Variants in SYNE1 observed in about 807,000 individuals in gnomAD.
SYNE1 encodes nesprin-1.
Under a neutral mutation model 1,111.0 loss-of-function variants are expected in SYNE1, and 616 were observed. That is an observed-to-expected ratio of 0.55 (90% CI 0.52 to 0.59). SYNE1 has a LOEUF of 0.59. Among genes scored for constraint, SYNE1 ranks in the 20% least tolerant of loss-of-function variants. The pLI is 0.00. For synonymous variants in SYNE1, 3,855 were observed against 3,825.8 expected, an observed-to-expected ratio of 1.01 and a Z score of -0.28; for missense variants, 10,006 against 10,417.0, an observed-to-expected ratio of 0.96 and a Z score of 1.72.
chr6:152,137,134 C>T (rs1305008398), intron 140 of SYNE1, among the ~76,000 whole-genome samples: 1 of 152,092 alleles, frequency 6.6e-6, no homozygotes, highest in African/African-American at 2.4e-5. Context: ...AAGAATATAT[C>T]TGAACAAAGA....
chr6:152,600,153 G>C (rs572157031), intron 3 of SYNE1, among the ~76,000 whole-genome samples: 1 of 152,114 alleles, frequency 6.6e-6, no homozygotes, highest in Non-Finnish European at 1.5e-5. Flanking sequence ...TAACAAAGGC[G>C]AACAGTTTAA....
chr6:152,510,266 G>A lies in SYNE1; in HGVS notation c.508C>T (p.Arg170Trp), dbSNP rs777175001. 91 of 1,613,588 alleles carry A rather than the reference G, an allele frequency of 5.6e-5. No homozygotes were observed. The Admixed American group carries it at 8.3e-4, about 15-fold the overall frequency. Reference sequence around the variant, plus strand: ...CCTTGGATCTTGGTGGTCACCTTCCGTTTACTTGGTGGGCTGGGAGTCTCA... The same window carrying A: ...CCTTGGATCTTGGTGGTCACCTTCCATTTACTTGGTGGGCTGGGAGTCTCA... ...SSETPSPPSK[R>W]KVTTKIQGNA... The change falls in exon 8 of 146, where the codon CGG (arginine) becomes TGG (tryptophan). Residue 170 changes from arginine to tryptophan, a missense_variant. Physicochemically the swap from Arg to Trp is moderately radical, Grantham distance 101 (BLOSUM62 -3). Coordinates refer to ENST00000367255, the MANE Select transcript of SYNE1 (RefSeq NM_182961.4).
At chr6:152,337,876 G>A (rs1199943846) in intron 75 of SYNE1, among the ~76,000 whole-genome samples, 2 of 152,154 alleles carry the variant, frequency 1.3e-5, no homozygotes, top group Non-Finnish European at 2.9e-5. Context: ...GGCTGGGAAT[G>A]GTGGCTCGTG....
Position 152,344,081 on chromosome 6 carries a change from C to A in SYNE1, c.12225G>T (p.Gln4075His), listed in dbSNP as rs2096588281. 1.2e-6 allele frequency: 2 copies of A among 1,614,164 alleles called. No individual in the cohort carries two copies. The highest frequency in any genetic ancestry group is 1.7e-6 in the Non-Finnish European group (2 of 1,180,020). ...ACACAAACTTTCAGGAGTTTACTAC[C>A]TGCTTAATGGCTTCTGCCCTACTAA... ...PPLSRAEAIK[Q>H]VKHFRALQEQ... Residue 4075 changes from glutamine to histidine, a missense_variant and splice_region_variant, in exon 74 of 146, where the codon CAG (glutamine) becomes CAT (histidine). Gln to His is a conservative substitution (Grantham distance 24). Transcript: ENST00000367255.
At chr6:152,184,774 G>C (rs1052604697) in intron 128 of SYNE1, among the ~76,000 whole-genome samples, 2 of 152,010 alleles carry the variant, frequency 1.3e-5, no homozygotes, top group African/African-American at 2.4e-5. Context: ...GACACAGTGA[G>C]GCTACAAGCA....
At chr6:152,130,278 T>C (rs755670197) in intron 145 of SYNE1, among the ~76,000 whole-genome samples, 1 of 152,144 alleles carries the variant, frequency 6.6e-6, no homozygotes, top group Non-Finnish European at 1.5e-5. Flanking sequence ...AACATGAAAA[T>C]AAAATAAAAA....
At chr6:152,394,855 G>A (rs1372297685) in intron 51 of SYNE1, among the ~76,000 whole-genome samples, 5 of 144,606 alleles carry the variant, frequency 3.5e-5, no homozygotes, top group African/African-American at 5.2e-5. Context: ...GCATGATCTC[G>A]GCTCACTGCA....
rs777385898 is a variant in SYNE1 at position 152,628,319 on chromosome 6, T to C, written c.13A>G (p.Arg5Gly). MATS[R>G]GASRCPRDIA... is the part of the protein sequence containing the mutation. ...TCCCGAGGACACCGGGAGGCCCCTCTGGAGGTTGCCATGGTCCCTCCGGAA... is the reference window on the plus strand; with the variant it reads ...TCCCGAGGACACCGGGAGGCCCCTCCGGAGGTTGCCATGGTCCCTCCGGAA... Residue 5 changes from arginine to glycine, a missense_variant, in exon 3 of 146, where the codon AGA (arginine) becomes GGA (glycine). Arg to Gly is a moderately radical substitution (Grantham distance 125). This residue lies in a region of SYNE1 where 1,971 missense variants were observed against 2,084.1 expected (regional missense o/e 0.95). Coordinates refer to ENST00000367255, the MANE Select transcript of SYNE1 (RefSeq NM_182961.4). 5.0e-6 allele frequency: 8 copies of C among 1,614,198 alleles called. No individual in the cohort carries two copies. In the South Asian group the frequency reaches 8.8e-5, roughly 18 times the overall value.
intron 16 of SYNE1, among the ~76,000 whole-genome samples, chr6:152,468,802 G>T (rs1230341000): frequency 6.6e-6 from 1 of 151,914 alleles, no homozygotes; most frequent in Non-Finnish European, 1.5e-5. Context: ...TTGAAATAGG[G>T]TCTCACTCTG....
chr6:152,407,152 GC>G lies in SYNE1; in HGVS notation c.6584del (p.Ser2195ThrfsTer55). On this transcript the variant is annotated frameshift_variant, in exon 45 of 146. Transcript: ENST00000367255. LOFTEE classifies it high-confidence loss of function. Reference protein sequence around the residue: ...LEENMDRLRVSLSIWDDVLST... With the variant: ...LEENMDRLRVXLSIWDDVLST... ...ACAGTACATCATCCCAAATGGACAGGCTTACTCTCAGCCTATCCATGTTTTC... is the reference window on the plus strand; with the variant it reads ...ACAGTACATCATCCCAAATGGACAGGTTACTCTCAGCCTATCCATGTTTTC... The G allele has an allele frequency of 1.2e-6, 2 of 1,613,952 alleles. No individual in the cohort carries two copies. Among genetic ancestry groups the G allele is most frequent in the Non-Finnish European group, 1.7e-6 (2 of 1,179,980 alleles).
chr6:152,330,559 G>A lies in SYNE1; in HGVS notation c.14126C>T (p.Ala4709Val). The A allele has an allele frequency of 6.2e-7, 1 of 1,614,040 alleles. No homozygotes were observed. The highest frequency in any genetic ancestry group is 8.5e-7 in the Non-Finnish European group (1 of 1,180,028). The stretch of plus-strand genomic sequence containing the variant: ...TCTGCAACCATCTTGCAGAGAAAGA[G>A]CCTCCTCAACGGCCAGGTCGGTGGG... ...KVPTDLAVEE[A>V]LSLQDGCRAI... The change falls in exon 78 of 146, where the codon GCT (alanine) becomes GTT (valine). Residue 4709 changes from alanine to valine, a missense_variant. Ala to Val is a moderately conservative substitution (Grantham distance 64). Coordinates refer to ENST00000367255, the MANE Select transcript of SYNE1 (RefSeq NM_182961.4).
intron 104 of SYNE1, among the ~76,000 whole-genome samples, chr6:152,251,551 G>A (rs1224376834): frequency 5.9e-5 from 9 of 151,780 alleles, no homozygotes; most frequent in African/African-American, 2.2e-4. Context: ...GAGGTCAGGA[G>A]ATCGAGACCA....
chr6:152,204,195 T>C (rs985976310), intron 126 of SYNE1, among the ~76,000 whole-genome samples: 2 of 151,828 alleles, frequency 1.3e-5, no homozygotes, highest in Non-Finnish European at 2.9e-5. Context: ...TGAAAACCCA[T>C]CTCTACTAAA....
At chr6:152,261,338 CTCTAACTT>C (rs1397643484) in intron 101 of SYNE1, among the ~76,000 whole-genome samples, 2 of 152,158 alleles carry the variant, frequency 1.3e-5, no homozygotes, top group Non-Finnish European at 2.9e-5. Context: ...CTCATTTGCC[CTCTAACTT>C]TCTAAGTCCT....
rs146337231 is a variant in SYNE1, at chr6:152,289,783, T to C, written c.18012+3805A>G. ...CTGGGACTACAAGCGCCCACCACCA[T>C]GCCTGGCTAAGTTTTTGTATTTTTA... On this transcript the variant is annotated intron_variant, in intron 95 of 145. Coordinates refer to ENST00000367255, the MANE Select transcript of SYNE1 (RefSeq NM_182961.4). Among the ~76,000 whole-genome samples, 870 of 152,260 alleles carry C rather than the reference T, an allele frequency of 5.7e-3. 8 individuals are homozygous for C. The highest frequency in any genetic ancestry group is 0.016 in the South Asian group (78 of 4,818).
In SYNE1 at chr6:152,234,767, C is replaced by T; in HGVS notation, c.20430G>A (p.Trp6810Ter). 6.2e-7 allele frequency: 1 copy of T among 1,614,166 alleles called. No homozygotes were observed. The highest frequency in any genetic ancestry group is 1.1e-5 in the South Asian group (1 of 91,074). Residue 6810 changes from tryptophan to a stop codon, truncating the protein, a stop_gained, in exon 111 of 146, where the codon TGG becomes TGA. Coordinates refer to ENST00000367255, the MANE Select transcript of SYNE1 (RefSeq NM_182961.4). LOFTEE classifies it high-confidence loss of function. ...YQSESADLIH[W>*]LQSAKDRLEF... Reference sequence around the variant, plus strand: ...CTAGCCGGTCTTTTGCAGATTGTAACCAGTGAATTAGATCTGCAGATTCAC... The same window carrying T: ...CTAGCCGGTCTTTTGCAGATTGTAATCAGTGAATTAGATCTGCAGATTCAC...
chr6:152,429,245 T>C (rs2098405251), intron 36 of SYNE1, among the ~76,000 whole-genome samples: 1 of 151,980 alleles, frequency 6.6e-6, no homozygotes, highest in African/African-American at 2.4e-5. Context: ...GATTAGGAAA[T>C]CAAGACACAG....
intron 3 of SYNE1, among the ~76,000 whole-genome samples, chr6:152,560,405 G>C (rs757781871): frequency 5.3e-5 from 8 of 151,802 alleles, no homozygotes; most frequent in Non-Finnish European, 7.4e-5. Context: ...TAGAAAATCT[G>C]AGCAGGCCAA....
At chr6:152,453,465 A>G in intron 25 of SYNE1, 121 bp downstream of exon 25, 3 of 1,463,584 alleles carry the variant, frequency 2.0e-6, no homozygotes, top group Non-Finnish European at 2.9e-6. Flanking sequence ...TTTTTAAATG[A>G]GCGAAATAGT....
Sources: gnomAD v4.1 joint callset for allele counts (sites outside exome capture counted in the v4.1 genomes callset) on GRCh38, gnomAD v4.1.1 for gene constraint, gnomAD v4.1.1 regional missense constraint, MANE v1.5 for transcripts, NCBI Gene and HGNC (gene_info 2026-07-23, HGNC 2026-07-21) for gene names.